NPAS2: variants seen among roughly 807,000 people sequenced by gnomAD.
NPAS2 encodes neuronal PAS domain-containing protein 2.
A neutral mutation model predicts 107.5 loss-of-function variants in NPAS2; 23 were observed. The ratio of observed to expected loss-of-function variants is 0.21; its 90% CI spans 0.15 to 0.30. The LOEUF is 0.30. NPAS2 is among the 10% of genes least tolerant of loss of function. NPAS2 has a pLI of 1.00. For missense variants in NPAS2, 756 were observed against 1,043.3 expected, an observed-to-expected ratio of 0.72 and a Z score of 3.79; for synonymous variants, 403 against 417.5, an observed-to-expected ratio of 0.97 and a Z score of 0.42.
At chr2:100,862,006 TGTA>T (rs1269869831) in intron 1 of NPAS2, among the ~76,000 whole-genome samples, 2 of 152,232 alleles carry the variant, frequency 1.3e-5, no homozygotes, top group African/African-American at 4.8e-5. Context: ...TATGTCTATA[TGTA>T]GTATTTAAAA....
intron 2 of NPAS2, among the ~76,000 whole-genome samples, chr2:100,909,241 C>T (rs924475917): frequency 6.6e-6 from 1 of 152,116 alleles, no homozygotes; most frequent in African/African-American, 2.4e-5. Context: ...GCCCTCAGAG[C>T]GCTTTCAGGC....
chr2:100,981,468 G>C (rs1039949641), intron 15 of NPAS2, among the ~76,000 whole-genome samples: 5 of 152,134 alleles, frequency 3.3e-5, no homozygotes, highest in African/African-American at 1.2e-4. Flanking sequence ...GAGGGAGACG[G>C]GACAGGAGGC....
chr2:100,874,484 G>A (rs1679828142), intron 1 of NPAS2, among the ~76,000 whole-genome samples: 1 of 152,054 alleles, frequency 6.6e-6, no homozygotes. Flanking sequence ...GCTCATGCCT[G>A]TAATCCTAGC....
At chr2:100,948,538 G>A (rs1223308646) in intron 6 of NPAS2, among the ~76,000 whole-genome samples, 183 bp downstream of exon 6, 3 of 152,192 alleles carry the variant, frequency 2.0e-5, no homozygotes, top group Non-Finnish European at 4.4e-5. Flanking sequence ...TTTGGAATAT[G>A]TAAGACATTT....
chr2:100,946,677 C>G (rs146846193), intron 5 of NPAS2, among the ~76,000 whole-genome samples: 91 of 152,330 alleles, frequency 6.0e-4, no homozygotes, highest in African/African-American at 2.1e-3. Flanking sequence ...GCTCCTCTGA[C>G]TGCTGATGGA....
At chr2:100,882,773 T>C (rs1680453657) in intron 1 of NPAS2, among the ~76,000 whole-genome samples, 1 of 152,106 alleles carries the variant, frequency 6.6e-6, no homozygotes, top group Non-Finnish European at 1.5e-5. Context: ...GTGAAGTGTC[T>C]CTCTCTCTGT....
At chr2:100,898,590 G>A (rs1410059710) in intron 1 of NPAS2, among the ~76,000 whole-genome samples, 1 of 152,158 alleles carries the variant, frequency 6.6e-6, no homozygotes, top group Non-Finnish European at 1.5e-5. Context: ...AACAACAGAG[G>A]AGTTATATTT....
intron 1 of NPAS2, among the ~76,000 whole-genome samples, chr2:100,853,186 A>AC (rs1050096616): frequency 6.6e-6 from 1 of 152,226 alleles, no homozygotes; most frequent in Non-Finnish European, 1.5e-5. Flanking sequence ...TCGATCAAAC[A>AC]CCAGAAGGCT....
intron 2 of NPAS2, among the ~76,000 whole-genome samples, chr2:100,924,939 T>C (rs1007423996): frequency 6.6e-6 from 1 of 152,244 alleles, no homozygotes; most frequent in East Asian, 1.9e-4. Context: ...TGGTTATTAA[T>C]GCTGTCTGTC....
intron 7 of NPAS2, among the ~76,000 whole-genome samples, chr2:100,950,530 A>G (rs1231452263): frequency 6.6e-6 from 1 of 152,240 alleles, no homozygotes; most frequent in Non-Finnish European, 1.5e-5. Flanking sequence ...TAATGGCACC[A>G]AGTCCTCACA....
At chr2:100,825,320 GT>G (rs1309967155) in intron 1 of NPAS2, among the ~76,000 whole-genome samples, 3 of 152,088 alleles carry the variant, frequency 2.0e-5, no homozygotes, top group Admixed American at 6.6e-5. Context: ...AAAGTACATA[GT>G]TTTTGGAAAA....
intron 1 of NPAS2, among the ~76,000 whole-genome samples, chr2:100,885,011 C>T (rs1680606912): frequency 6.6e-6 from 1 of 151,448 alleles, no homozygotes; most frequent in Admixed American, 6.6e-5. Context: ...CGCAGTGGCA[C>T]AGTCTTGGCT....
At chr2:100,937,136 C>CA (rs1361816599) in intron 4 of NPAS2, among the ~76,000 whole-genome samples, 2 of 152,146 alleles carry the variant, frequency 1.3e-5, no homozygotes, top group East Asian at 3.9e-4. Flanking sequence ...ATTTTTCAGA[C>CA]ATTCTGAAAT....
At chr2:100,830,185 G>A (rs1676643605) in intron 1 of NPAS2, among the ~76,000 whole-genome samples, 1 of 152,158 alleles carries the variant, frequency 6.6e-6, no homozygotes, top group Admixed American at 6.5e-5. Flanking sequence ...AACATGACAG[G>A]TGGTAGAAGA....
At chr2:100,836,628 G>C (rs550635706) in intron 1 of NPAS2, among the ~76,000 whole-genome samples, 1 of 152,182 alleles carries the variant, frequency 6.6e-6, no homozygotes, top group African/African-American at 2.4e-5. Flanking sequence ...TTCCCATTGT[G>C]CAGGTCAGGG....
chr2:100,913,588 A>T (rs1175182785), intron 2 of NPAS2, among the ~76,000 whole-genome samples: 1 of 152,182 alleles, frequency 6.6e-6, no homozygotes. Context: ...AGCAGTCCAC[A>T]TATGAAATGG....
intron 1 of NPAS2, among the ~76,000 whole-genome samples, chr2:100,888,544 C>T (rs1680852846): frequency 6.6e-6 from 1 of 152,138 alleles, no homozygotes; most frequent in South Asian, 2.1e-4. Context: ...TATCCCCCCA[C>T]CCCATAGTTA....
At chr2:100,990,526 CG>C in intron 18 of NPAS2, 80 bp downstream of exon 18, 1 of 1,451,346 alleles carries the variant, frequency 6.9e-7, no homozygotes, top group Non-Finnish European at 9.6e-7. Flanking sequence ...CTGCTTTAGA[CG>C]GAGGCAGAGT....
At chr2:100,947,178 C>G (rs1261292312) in intron 5 of NPAS2, among the ~76,000 whole-genome samples, 1 of 152,186 alleles carries the variant, frequency 6.6e-6, no homozygotes, top group Non-Finnish European at 1.5e-5. Context: ...AGGTGCCTGT[C>G]TCCTCGGTCC....
Sources: allele counts gnomAD v4.1 joint callset (sites outside exome capture counted in the v4.1 genomes callset), GRCh38; gene constraint gnomAD v4.1.1; transcripts MANE v1.5; gene names NCBI Gene and HGNC (gene_info 2026-07-23, HGNC 2026-07-21).